The following EDARADD variants were observed in gnomAD, a reference collection of about 807,000 sequenced individuals.
EDARADD encodes the protein EDAR associated via death domain.
In EDARADD, 20 loss-of-function variants were observed where a neutral mutation model predicts 25.6. That is an observed-to-expected ratio of 0.78 (90% confidence interval 0.55 to 1.14). The LOEUF is 1.14. Ranked by LOEUF, EDARADD falls within the 50% of genes most tolerant of loss-of-function variation. The pLI, the probability that EDARADD is intolerant of heterozygous loss-of-function variation, is 0.00. For synonymous variants in EDARADD, 86 were observed against 94.4 expected, an observed-to-expected ratio of 0.91 and a Z score of 0.52; for missense variants, 225 against 270.1, an observed-to-expected ratio of 0.83 and a Z score of 1.17.
chr1:236,426,450 G>T (rs947198829), intron 3 of EDARADD, among the ~76,000 whole-genome samples: 7 of 152,206 alleles, frequency 4.6e-5, no homozygotes, highest in Admixed American at 2.6e-4. Context: ...CACGCAGGGG[G>T]ACACAGATGT....
intron 1 of EDARADD, among the ~76,000 whole-genome samples, chr1:236,400,573 G>T (rs1160105494): frequency 2.0e-5 from 3 of 151,926 alleles, no homozygotes; most frequent in Non-Finnish European, 2.9e-5. Flanking sequence ...ACTTCCTTTT[G>T]TTTTTTCTGT....
chr1:236,447,211 T>TC (rs760478188), intron 4 of EDARADD, among the ~76,000 whole-genome samples: 1 of 45,962 alleles, frequency 2.2e-5, no homozygotes, highest in African/African-American at 6.8e-5. Flanking sequence ...TTTCTTTCTT[T>TC]CTTTCTTTCT....
At chr1:236,470,439 A>G (rs1430530196) in intron 5 of EDARADD, among the ~76,000 whole-genome samples, 1 of 152,360 alleles carries the variant, frequency 6.6e-6, no homozygotes, top group East Asian at 1.9e-4. Context: ...TAGCTAAAAT[A>G]AAAATAAATA....
intron 5 of EDARADD, among the ~76,000 whole-genome samples, chr1:236,481,928 A>T (rs973896489): frequency 3.9e-5 from 6 of 151,974 alleles, no homozygotes; most frequent in Non-Finnish European, 7.4e-5. Context: ...CCTGGCTAAC[A>T]CGGTGAAACC....
rs117651284 is a variant in EDARADD, at chr1:236,424,026, A to G, written c.161-3366A>G. ...GAGTCTAGGGTAGGAGAATCACTCAAACCTGGGAAATGGAGGTTGCAGTGA... is the reference window on the plus strand; with the variant it reads ...GAGTCTAGGGTAGGAGAATCACTCAGACCTGGGAAATGGAGGTTGCAGTGA... On this transcript the variant is annotated intron_variant, in intron 3 of 5. Coordinates refer to ENST00000334232, the MANE Select transcript of EDARADD (RefSeq NM_145861.4). Among the ~76,000 whole-genome samples, 154 of 152,156 alleles carry G rather than the reference A, an allele frequency of 1.0e-3. 4 individuals are homozygous for G. In the East Asian group the frequency reaches 0.024, roughly 24 times the overall value.
At position 236,428,512 on chromosome 1, in the gene EDARADD, G is replaced by A. The variant is rs534521638; in HGVS notation, c.219+1062G>A. Among the ~76,000 whole-genome samples the A allele has an allele frequency of 9.9e-4, 151 of 151,816 alleles. 1 individual carries two copies. The highest frequency in any genetic ancestry group is 1.8e-3 in the Non-Finnish European group (119 of 67,808). On this transcript the variant is annotated intron_variant, in intron 4 of 5. Transcript: ENST00000334232. ...ACACCGCCCAGACGGGGTGGCGGCC[G>A]GGCAGAGGGGCTCCTCACTTCTCAG... is the stretch of plus-strand genomic sequence containing the variant.
intron 4 of EDARADD, among the ~76,000 whole-genome samples, chr1:236,442,458 C>A (rs772264095): frequency 7.9e-5 from 12 of 152,184 alleles, no homozygotes; most frequent in Non-Finnish European, 1.6e-4. Flanking sequence ...CTAGGACTTT[C>A]CTAGCTAGAG....
At chr1:236,405,610 C>T (rs1031796128) in intron 1 of EDARADD, among the ~76,000 whole-genome samples, 5 of 152,184 alleles carry the variant, frequency 3.3e-5, no homozygotes, top group Non-Finnish European at 5.9e-5. Context: ...AGTGATGTGC[C>T]ACTGAGGACC....
chr1:236,381,347 TTTA>T (rs1667293742), intron 3 of EDARADD, among the ~76,000 whole-genome samples: 1 of 151,966 alleles, frequency 6.6e-6, no homozygotes, highest in African/African-American at 2.4e-5. Flanking sequence ...TATTTACTTT[TTTA>T]TTATTATCAT....
At chr1:236,393,026 C>T (rs1667445744), upstream of EDARADD, among the ~76,000 whole-genome samples, 1 of 152,184 alleles carries the variant, frequency 6.6e-6, no homozygotes, top group South Asian at 2.1e-4. Flanking sequence ...CTCAAGCAAT[C>T]CTGCCACCTT....
At chr1:236,457,579 G>T (rs1658904915) in intron 4 of EDARADD, among the ~76,000 whole-genome samples, 1 of 152,008 alleles carries the variant, frequency 6.6e-6, no homozygotes, top group Non-Finnish European at 1.5e-5. Context: ...CCAGCACTTT[G>T]GGAGGCTGAG....
At chr1:236,479,643 A>G (rs1659610899) in intron 5 of EDARADD, among the ~76,000 whole-genome samples, 1 of 151,604 alleles carries the variant, frequency 6.6e-6, no homozygotes, top group East Asian at 1.9e-4. Flanking sequence ...CATGCTCCCC[A>G]TGCTCTCTTC....
intron 4 of EDARADD, among the ~76,000 whole-genome samples, chr1:236,433,648 G>A (rs930354723): frequency 5.3e-5 from 8 of 151,764 alleles, no homozygotes; most frequent in East Asian, 3.9e-4. Context: ...TATGCAGGAC[G>A]TACCATTATT....
At chr1:236,426,256 G>A (rs10925120) in intron 3 of EDARADD, among the ~76,000 whole-genome samples, 3,346 of 152,226 alleles carry the variant, frequency 0.022, 118 homozygotes, top group African/African-American at 0.077. Flanking sequence ...GTCATTACAG[G>A]CGTGAGCCAC....
At chr1:236,462,618 C>G (rs538340101) in intron 4 of EDARADD, among the ~76,000 whole-genome samples, 1 of 152,280 alleles carries the variant, frequency 6.6e-6, no homozygotes, top group African/African-American at 2.4e-5. Flanking sequence ...TGTAAATCTT[C>G]AGAGGCAACT....
chr1:236,397,226 A>G (rs1667531906), intron 1 of EDARADD, among the ~76,000 whole-genome samples: 1 of 151,922 alleles, frequency 6.6e-6, no homozygotes, highest in South Asian at 2.1e-4. Context: ...CCTTGGCAAC[A>G]TAGTGAGACC....
intron 4 of EDARADD, among the ~76,000 whole-genome samples, chr1:236,437,720 G>A (rs532970355): frequency 6.6e-6 from 1 of 151,082 alleles, no homozygotes; most frequent in South Asian, 2.1e-4. Context: ...CTGAACTCAA[G>A]GTGTCGGCAG....
rs1558100082 is a variant in EDARADD at position 236,360,537 on chromosome 1, G to GATTT, written c.-6+9698_-6+9699insATTT. Among the ~76,000 whole-genome samples, 2 of 131,266 alleles carry GATTT rather than the reference G, an allele frequency of 1.5e-5. 1 individual carries two copies. The highest frequency in any genetic ancestry group is 3.2e-5 in the Non-Finnish European group (2 of 63,394). 86.1% of individuals were successfully genotyped at this position (131,266 alleles called of 152,430 possible). On this transcript the variant is annotated intron_variant, in intron 3 of 7. Transcript: ENST00000439430. Reference sequence around the variant, plus strand: ...CAGGACAGAGGGATTTTAATTCACGGTTTTTTTTTTTTTTTTTTTTTTTTT... The same window carrying GATTT: ...CAGGACAGAGGGATTTTAATTCACGGATTTTTTTTTTTTTTTTTTTTTTTTTTTT...
At chr1:236,449,789 G>T (rs1658659238) in intron 4 of EDARADD, among the ~76,000 whole-genome samples, 1 of 152,130 alleles carries the variant, frequency 6.6e-6, no homozygotes, top group African/African-American at 2.4e-5. Context: ...TCTGTTACAT[G>T]ATTACTTTTC....
Sources: allele counts gnomAD v4.1 joint callset (sites outside exome capture counted in the v4.1 genomes callset), GRCh38; gene constraint gnomAD v4.1.1; transcripts MANE v1.5; gene names NCBI Gene and HGNC (gene_info 2026-07-23, HGNC 2026-07-21).